Variants in HAPLN1 observed in about 807,000 individuals in gnomAD.
The protein encoded by HAPLN1 is Cartilage link protein.
In HAPLN1, 13 loss-of-function variants were observed where a neutral mutation model predicts 36.5. That is an observed-to-expected ratio of 0.36 (90% CI 0.23 to 0.57). The LOEUF is 0.57. HAPLN1 is among the 20% of genes least tolerant of loss of function. The probability of loss-of-function intolerance (pLI) is 0.83; values close to 1 mark genes in which losing one functional copy is unlikely to be tolerated. For missense variants in HAPLN1, 407 were observed against 439.7 expected, an observed-to-expected ratio of 0.93 and a Z score of 0.66; for synonymous variants, 202 against 169.8, an observed-to-expected ratio of 1.19 and a Z score of -1.48.
chr5:83,655,803 G>A (rs1352047485), intron 2 of HAPLN1, among the ~76,000 whole-genome samples: 1 of 152,074 alleles, frequency 6.6e-6, no homozygotes, highest in East Asian at 1.9e-4. Context: ...TCTACCTCAT[G>A]AGAATCTTGA....
chr5:83,678,050 T>G (rs1016549067), intron 1 of HAPLN1, among the ~76,000 whole-genome samples: 3 of 152,136 alleles, frequency 2.0e-5, no homozygotes, highest in Non-Finnish European at 4.4e-5. Context: ...GTGATCCTGA[T>G]GCATGCTCAA....
At chr5:83,675,766 G>A (rs1007323719) in intron 1 of HAPLN1, among the ~76,000 whole-genome samples, 1 of 152,118 alleles carries the variant, frequency 6.6e-6, no homozygotes, top group African/African-American at 2.4e-5. Flanking sequence ...TCTACTGTTC[G>A]CCAGCACTAT....
At chr5:83,705,218 T>G (rs1434544617) in intron 1 of HAPLN1, among the ~76,000 whole-genome samples, 1 of 151,772 alleles carries the variant, frequency 6.6e-6, no homozygotes, top group Non-Finnish European at 1.5e-5. Context: ...GGCAAAACCC[T>G]GTCTCTGTTA....
At chr5:83,651,307 C>T (rs1263789659) in intron 3 of HAPLN1, among the ~76,000 whole-genome samples, 5 of 152,262 alleles carry the variant, frequency 3.3e-5, no homozygotes, top group South Asian at 4.1e-4. Flanking sequence ...ACCTTCCATG[C>T]CCCTTTGATA....
In HAPLN1 at chr5:83,638,287, T is replaced by C. The variant is rs1311048201; in HGVS notation, c.*3209A>G. 6.6e-6 allele frequency: 1 copy of C among 152,020 alleles called. No homozygotes were observed. The highest frequency in any genetic ancestry group is 2.4e-5 in the African/African-American group (1 of 41,434). 9.4% of individuals were successfully genotyped at this position (152,020 alleles called of 1,614,324 possible). On this transcript the variant is annotated 3_prime_UTR_variant, in exon 5 of 5. Transcript: ENST00000274341. ...TTTTTTTTTGGTAATACAGATTGAT[T>C]CTTCTCCTCAAAGTTATACTTGATA...
intron 3 of HAPLN1, among the ~76,000 whole-genome samples, chr5:83,649,471 C>T (rs1322140034): frequency 6.6e-6 from 1 of 151,872 alleles, no homozygotes; most frequent in African/African-American, 2.4e-5. Context: ...TTTTTTGAGA[C>T]GGAGTCTCGC....
intron 1 of HAPLN1, among the ~76,000 whole-genome samples, chr5:83,681,458 A>G (rs1477376778): frequency 6.6e-6 from 1 of 151,322 alleles, no homozygotes; most frequent in Non-Finnish European, 1.5e-5. Context: ...ACAAACAAAT[A>G]AAACAACTCT....
intron 1 of HAPLN1, among the ~76,000 whole-genome samples, chr5:83,678,828 T>C (rs943024869): frequency 6.6e-6 from 1 of 152,258 alleles, no homozygotes; most frequent in Non-Finnish European, 1.5e-5. Context: ...GGCATACTGC[T>C]TCTAAGTTTA....
At chr5:83,719,040 T>G (rs1234379221) in intron 1 of HAPLN1, among the ~76,000 whole-genome samples, 2 of 152,184 alleles carry the variant, frequency 1.3e-5, no homozygotes, top group Admixed American at 6.5e-5. Context: ...GTACTCTGAA[T>G]GTATTTATCC....
At chr5:83,659,549 C>G (rs978147675) in intron 2 of HAPLN1, among the ~76,000 whole-genome samples, 4 of 151,994 alleles carry the variant, frequency 2.6e-5, no homozygotes, top group Non-Finnish European at 5.9e-5. Flanking sequence ...AATTTTAAAC[C>G]ATGTGAATGT....
chr5:83,655,067 T>C (rs1436186907), intron 2 of HAPLN1, among the ~76,000 whole-genome samples: 2 of 152,236 alleles, frequency 1.3e-5, no homozygotes, highest in African/African-American at 4.8e-5. Context: ...TGTCATATAT[T>C]AGTCTTCCAT....
Position 83,652,500 on chromosome 5 carries a change from A to G in HAPLN1, c.425T>C (p.Ile142Thr), listed in dbSNP as rs139316850. Residue 142 changes from isoleucine to threonine, a missense_variant, in exon 3 of 5, where the codon ATT (isoleucine) becomes ACT (threonine). Physicochemically the swap from Ile to Thr is moderately conservative, Grantham distance 89. Coordinates refer to ENST00000274341, the MANE Select transcript of HAPLN1 (RefSeq NM_001884.4). The part of the protein sequence containing the change: ...EDYGRYKCEV[I>T]EGLEDDTVVV... ...AACAGTATCATCTTCTAATCCTTCA[A>G]TCACCTCACACTTATATCTCCCATA... 1 of 1,614,076 alleles carries G rather than the reference A, an allele frequency of 6.2e-7. No individual in the cohort carries two copies. Among genetic ancestry groups the G allele is most frequent in the South Asian group, 1.1e-5 (1 of 91,076 alleles).
rs1205624963 is a variant in HAPLN1, at chr5:83,644,526, C to G, written c.612G>C (p.Trp204Cys). 6.2e-7 allele frequency: 1 copy of G among 1,611,504 alleles called. No homozygotes were observed. Among genetic ancestry groups the G allele is most frequent in the Non-Finnish European group, 8.5e-7 (1 of 1,178,820 alleles). ...LYDAWRGGLD[W>C]CNAGWLSDGS... ...CATCACTGAGCCAGCCGGCATTGCACCAGTCCAGCCCGCCCCGCCAGGCGT... is the reference window on the plus strand; with the variant it reads ...CATCACTGAGCCAGCCGGCATTGCAGCAGTCCAGCCCGCCCCGCCAGGCGT... The change falls in exon 4 of 5, where the codon TGG (tryptophan) becomes TGC (cysteine). Residue 204 changes from tryptophan to cysteine, a missense_variant. By Grantham distance (215) the Trp-to-Cys change is radical. Transcript: ENST00000274341.
intron 2 of HAPLN1, among the ~76,000 whole-genome samples, chr5:83,658,903 T>A (rs78095588): frequency 0.024 from 3,653 of 152,244 alleles, 59 homozygotes; most frequent in Non-Finnish European, 0.037. Context: ...CTTGAGTCTC[T>A]AGAAAGGAAG....
chr5:83,701,695 T>C (rs1296691120), intron 1 of HAPLN1, among the ~76,000 whole-genome samples: 1 of 152,178 alleles, frequency 6.6e-6, no homozygotes, highest in African/African-American at 2.4e-5. Flanking sequence ...CCCAGCACTT[T>C]GGGAGGCCGA....
chr5:83,667,542 T>C (rs965591219), intron 2 of HAPLN1, among the ~76,000 whole-genome samples: 2 of 152,206 alleles, frequency 1.3e-5, no homozygotes, highest in Non-Finnish European at 2.9e-5. Flanking sequence ...AGATTTTGCT[T>C]TGGTGGCTGC....
chr5:83,669,896 G>A (rs1272523091), intron 2 of HAPLN1, among the ~76,000 whole-genome samples: 1 of 152,156 alleles, frequency 6.6e-6, no homozygotes, highest in African/African-American at 2.4e-5. Flanking sequence ...GAGAGATTAA[G>A]TAAATTTTCC....
At chr5:83,686,946 G>A (rs576142830) in intron 1 of HAPLN1, among the ~76,000 whole-genome samples, 27 of 152,228 alleles carry the variant, frequency 1.8e-4, no homozygotes, top group Non-Finnish European at 3.2e-4. Context: ...CTGTAAAAAT[G>A]CCATTGCTAA....
intron 1 of HAPLN1, among the ~76,000 whole-genome samples, chr5:83,683,809 T>A (rs1751058513): frequency 6.6e-6 from 1 of 152,174 alleles, no homozygotes; most frequent in African/African-American, 2.4e-5. Flanking sequence ...GTGAGCACAG[T>A]ACTGCAAATA....
Sources: gnomAD v4.1 joint callset for allele counts (sites outside exome capture counted in the v4.1 genomes callset) on GRCh38, gnomAD v4.1.1 for gene constraint, MANE v1.5 for transcripts, NCBI Gene and HGNC (gene_info 2026-07-23, HGNC 2026-07-21) for gene names.